The following ZNF536 variants were observed in gnomAD, a reference collection of about 807,000 sequenced individuals.
ZNF536 encodes zinc finger protein 536.
In ZNF536, 13 loss-of-function variants were observed where a neutral mutation model predicts 84.5. That is an observed-to-expected ratio of 0.15 (90% confidence interval 0.10 to 0.24). The LOEUF (loss-of-function observed/expected upper bound fraction) is 0.24, where lower values mean the gene tolerates loss of function less well. ZNF536 is among the 10% of genes least tolerant of loss of function. The pLI is 1.00. For missense variants in ZNF536, 1,536 were observed against 1,747.5 expected, an observed-to-expected ratio of 0.88 and a Z score of 2.16; for synonymous variants, 811 against 742.5, an observed-to-expected ratio of 1.09 and a Z score of -1.50.
chr19:30,640,862 G>T (rs184464048), intron 1 of ZNF536, among the ~76,000 whole-genome samples: 1 of 152,214 alleles, frequency 6.6e-6, no homozygotes, highest in East Asian at 1.9e-4. Context: ...GCAGAATGCC[G>T]TCATTCACAG....
intron 2 of ZNF536, among the ~76,000 whole-genome samples, chr19:30,486,864 C>T (rs1335313172): frequency 6.6e-6 from 1 of 152,156 alleles, no homozygotes; most frequent in Admixed American, 6.5e-5. Flanking sequence ...ATTTCCTTGG[C>T]TCAGATAAAG....
At chr19:30,315,821 A>G (rs796310391) in intron 2 of ZNF536, among the ~76,000 whole-genome samples, 4 of 152,238 alleles carry the variant, frequency 2.6e-5, no homozygotes, top group African/African-American at 9.6e-5. Flanking sequence ...CAAAAAGAAA[A>G]TCATGCATAT....
intron 2 of ZNF536, among the ~76,000 whole-genome samples, chr19:30,335,686 T>C (rs1449512499): frequency 1.3e-5 from 2 of 152,114 alleles, no homozygotes; most frequent in Non-Finnish European, 2.9e-5. Context: ...AAGCTGCGAG[T>C]GCCACTTCCT....
intron 2 of ZNF536, among the ~76,000 whole-genome samples, chr19:30,350,849 A>G (rs997548230): frequency 2.0e-5 from 3 of 152,218 alleles, no homozygotes; most frequent in East Asian, 1.9e-4. Context: ...GTATGTTTCT[A>G]TTAGTATGTG....
At chr19:30,279,421 C>G (rs1405870722) in intron 1 of ZNF536, among the ~76,000 whole-genome samples, 5 of 152,192 alleles carry the variant, frequency 3.3e-5, no homozygotes. Flanking sequence ...ACACCAGGAC[C>G]CCCTTCCTGT....
intron 1 of ZNF536, among the ~76,000 whole-genome samples, chr19:30,622,035 T>A: frequency 6.6e-6 from 1 of 152,220 alleles, no homozygotes; most frequent in Admixed American, 6.5e-5. Flanking sequence ...CCTTTAGTAA[T>A]CAAAACTAGC....
At chr19:30,253,842 A>G (rs1385950474) in intron 1 of ZNF536, among the ~76,000 whole-genome samples, 1 of 152,170 alleles carries the variant, frequency 6.6e-6, no homozygotes, top group Non-Finnish European at 1.5e-5. Flanking sequence ...TAGTCATAGG[A>G]AAGGGAACAA....
rs918561340 is a variant in ZNF536, at chr19:30,340,145, C to T, written c.-119-12223C>T. On this transcript the variant is annotated intron_variant, in intron 2 of 5. Coordinates refer to the ZNF536 transcript ENST00000585628. ...CAGGGTAACAGGTCAAACCTGGTCT[C>T]GTGGGCTGACTTGCAGAGTCTCCCT... is the stretch of plus-strand genomic sequence containing the variant. Among the ~76,000 whole-genome samples the T allele has an allele frequency of 7.9e-5, 12 of 152,270 alleles. 1 individual carries two copies. In the South Asian group the frequency reaches 1.7e-3, roughly 21 times the overall value.
intron 1 of ZNF536, among the ~76,000 whole-genome samples, chr19:30,701,639 AG>A (rs1273592999): frequency 4.6e-5 from 7 of 152,230 alleles, no homozygotes; most frequent in Admixed American, 2.6e-4. Context: ...TCCTAACCAG[AG>A]GCCCCTCTTT....
At chr19:30,696,856 A>C (rs1169218856) in intron 1 of ZNF536, among the ~76,000 whole-genome samples, 4 of 152,076 alleles carry the variant, frequency 2.6e-5, no homozygotes, top group African/African-American at 4.8e-5. Flanking sequence ...ATCCTAACTC[A>C]ACTTGGGCCT....
intron 1 of ZNF536, among the ~76,000 whole-genome samples, chr19:30,273,779 C>T (rs1009220802): frequency 6.6e-6 from 1 of 152,174 alleles, no homozygotes; most frequent in East Asian, 1.9e-4. Context: ...GGCCGAGCAG[C>T]ATCGATTTGC....
chr19:30,369,621 G>A (rs2048547111), upstream of ZNF536, among the ~76,000 whole-genome samples: 2 of 152,152 alleles, frequency 1.3e-5, no homozygotes, highest in Admixed American at 1.3e-4. Context: ...AATTGCAAAG[G>A]GATGAATTAT....
At chr19:30,577,294 C>T (rs2046773463) in intron 1 of ZNF536, among the ~76,000 whole-genome samples, 1 of 151,874 alleles carries the variant, frequency 6.6e-6, no homozygotes. Flanking sequence ...ATATTTACAG[C>T]TGAGTTATAA....
intron 1 of ZNF536, among the ~76,000 whole-genome samples, chr19:30,248,676 A>G (rs538312311): frequency 6.6e-6 from 1 of 152,312 alleles, no homozygotes; most frequent in Non-Finnish European, 1.5e-5. Flanking sequence ...TGAGTTAGAA[A>G]TTCTCTCATA....
intron 2 of ZNF536, among the ~76,000 whole-genome samples, chr19:30,503,626 A>G (rs2055039334): frequency 1.3e-5 from 2 of 152,256 alleles, no homozygotes; most frequent in African/African-American, 4.8e-5. Flanking sequence ...TTTGAGGAAG[A>G]TAAGAGTGCC....
intron 1 of ZNF536, among the ~76,000 whole-genome samples, chr19:30,612,159 T>C (rs1190601192): frequency 6.6e-6 from 1 of 152,206 alleles, no homozygotes; most frequent in Non-Finnish European, 1.5e-5. Context: ...TTCACTCTTT[T>C]ATTGAGTTTT....
chr19:30,690,881 T>G lies in ZNF536; in HGVS notation c.170-19876T>G, dbSNP rs576812886. Among the ~76,000 whole-genome samples the G allele has an allele frequency of 2.3e-3, 351 of 152,310 alleles. 1 individual carries two copies. Among genetic ancestry groups the G allele is most frequent in the African/African-American group, 7.9e-3 (330 of 41,578 alleles). On this transcript the variant is annotated intron_variant, in intron 1 of 1. Coordinates refer to the ZNF536 transcript ENST00000592773. ...AACCACTCCTCCCCTGCAAACAACA[T>G]GATTTTTGTTTTCCTTTTGGCAATG... is the stretch of plus-strand genomic sequence containing the variant.
At chr19:30,318,522 GA>G (rs781129221) in intron 2 of ZNF536, among the ~76,000 whole-genome samples, 50 of 152,350 alleles carry the variant, frequency 3.3e-4, no homozygotes, top group Admixed American at 1.7e-3. Context: ...AGACTGCAGA[GA>G]GGCCTTGGAG....
At chr19:30,694,500 G>C (rs2051569060) in intron 1 of ZNF536, among the ~76,000 whole-genome samples, 1 of 152,194 alleles carries the variant, frequency 6.6e-6, no homozygotes, top group Admixed American at 6.5e-5. Flanking sequence ...CAGGCGCCTG[G>C]CTGGTGATGC....
Sources: allele counts gnomAD v4.1 joint callset (sites outside exome capture counted in the v4.1 genomes callset), GRCh38; gene constraint gnomAD v4.1.1; transcripts MANE v1.5; gene names NCBI Gene and HGNC (gene_info 2026-07-23, HGNC 2026-07-21).